MAGI2: variants seen among roughly 807,000 people sequenced by gnomAD.
MAGI2 encodes membrane associated guanylate kinase, WW and PDZ domain containing 2.
Under a neutral mutation model 133.3 loss-of-function variants are expected in MAGI2, and 35 were observed. That is an observed-to-expected ratio of 0.26 (90% CI 0.20 to 0.35). MAGI2 has a LOEUF of 0.35. Among genes scored for constraint, MAGI2 ranks in the 10% least tolerant of loss-of-function variants. MAGI2 has a pLI of 1.00. For missense variants in MAGI2, 1,636 were observed against 1,863.4 expected, an observed-to-expected ratio of 0.88 and a Z score of 2.25; for synonymous variants, 729 against 710.6, an observed-to-expected ratio of 1.03 and a Z score of -0.41.
chr7:79,088,284 G>A (rs979417405), intron 1 of MAGI2, among the ~76,000 whole-genome samples: 2 of 152,020 alleles, frequency 1.3e-5, no homozygotes, highest in African/African-American at 4.8e-5. Context: ...TTGTGAATGG[G>A]AATTCACTCA....
chr7:79,073,063 A>G (rs1476860876), intron 1 of MAGI2, among the ~76,000 whole-genome samples: 1 of 152,192 alleles, frequency 6.6e-6, no homozygotes, highest in Non-Finnish European at 1.5e-5. Flanking sequence ...AAAAAAAACA[A>G]AGGCTAAGAG....
chr7:78,517,349 C>T (rs1033728005), intron 4 of MAGI2, among the ~76,000 whole-genome samples: 1 of 152,018 alleles, frequency 6.6e-6, no homozygotes, highest in African/African-American at 2.4e-5. Flanking sequence ...TGCAGGATTG[C>T]GATTTACTTT....
intron 1 of MAGI2, among the ~76,000 whole-genome samples, chr7:79,306,237 T>C (rs370078195): frequency 6.8e-6 from 1 of 146,918 alleles, no homozygotes; most frequent in African/African-American, 2.5e-5. Flanking sequence ...TTTATTTATA[T>C]GTATATGTAT....
At chr7:79,072,185 C>T (rs575595940) in intron 1 of MAGI2, among the ~76,000 whole-genome samples, 94 of 152,100 alleles carry the variant, frequency 6.2e-4, no homozygotes, top group African/African-American at 2.0e-3. Context: ...AGAAATCACT[C>T]GCCTTCTGTG....
intron 1 of MAGI2, among the ~76,000 whole-genome samples, chr7:79,355,121 A>G (rs1192149074): frequency 2.0e-5 from 3 of 152,082 alleles, no homozygotes; most frequent in Non-Finnish European, 4.4e-5. Flanking sequence ...TGTGGGTGAT[A>G]CTCATTTCCT....
chr7:78,091,301 A>C (rs2151217630), intron 20 of MAGI2, among the ~76,000 whole-genome samples: 1 of 152,286 alleles, frequency 6.6e-6, no homozygotes, highest in African/African-American at 2.4e-5. Flanking sequence ...TGCTGCTATT[A>C]AAAGGGCTTG....
intron 20 of MAGI2, among the ~76,000 whole-genome samples, chr7:78,120,094 A>C (rs965421091): frequency 6.6e-6 from 1 of 152,230 alleles, no homozygotes; most frequent in Admixed American, 6.5e-5. Context: ...TAAAATTCTA[A>C]CAGGATTTTT....
At chr7:78,713,687 T>C (rs1819427564) in intron 2 of MAGI2, among the ~76,000 whole-genome samples, 2 of 152,098 alleles carry the variant, frequency 1.3e-5, no homozygotes, top group Admixed American at 6.6e-5. Context: ...CATACACAAA[T>C]AAATACAAAA....
intron 1 of MAGI2, among the ~76,000 whole-genome samples, chr7:79,217,530 G>T (rs947001868): frequency 6.6e-6 from 1 of 151,960 alleles, no homozygotes; most frequent in Non-Finnish European, 1.5e-5. Flanking sequence ...TTTTACTGAT[G>T]AAGAAACAGG....
intron 1 of MAGI2, among the ~76,000 whole-genome samples, chr7:79,262,826 A>G (rs1017772317): frequency 6.6e-6 from 1 of 152,206 alleles, no homozygotes; most frequent in African/African-American, 2.4e-5. Flanking sequence ...TGAACTTTCA[A>G]ATACTTTTAT....
intron 3 of MAGI2, among the ~76,000 whole-genome samples, chr7:78,528,787 C>T (rs1797194717): frequency 6.6e-6 from 1 of 152,070 alleles, no homozygotes. Context: ...GCAGAAACTC[C>T]CTGACCTCGA....
chr7:79,393,030 G>C (rs1238364874), intron 1 of MAGI2, among the ~76,000 whole-genome samples: 2 of 152,080 alleles, frequency 1.3e-5, no homozygotes, highest in Non-Finnish European at 2.9e-5. Context: ...AAAAATGATT[G>C]GTACTCATCA....
At chr7:79,448,078 G>A (rs1848985874) in intron 1 of MAGI2, among the ~76,000 whole-genome samples, 1 of 151,656 alleles carries the variant, frequency 6.6e-6, no homozygotes, top group Non-Finnish European at 1.5e-5. Flanking sequence ...AATATATTCA[G>A]CAATTCTTTG....
rs182281007 is a variant in MAGI2 at position 78,728,463 on chromosome 7, C to T, written c.419-101224G>A. 2.0e-5 allele frequency among the ~76,000 whole-genome samples: 3 copies of T among 149,582 alleles called. No individual in the cohort carries two copies. The East Asian group carries it at 5.9e-4, about 30-fold the overall frequency. On this transcript the variant is annotated intron_variant, in intron 2 of 21. Transcript: ENST00000354212. Reference sequence around the variant, plus strand: ...TCTATTCACATAGATGAGATAGAGCCATCAAACACTCTTGACCTAGTACCA... The same window carrying T: ...TCTATTCACATAGATGAGATAGAGCTATCAAACACTCTTGACCTAGTACCA...
At chr7:78,194,780 A>G in intron 12 of MAGI2, 94 bp downstream of exon 12, 1 of 1,096,270 alleles carries the variant, frequency 9.1e-7, no homozygotes, top group Non-Finnish European at 1.3e-6. Flanking sequence ...AACTCAGAAT[A>G]TAAAACCATG....
At chr7:78,619,364 C>G (rs548019739) in intron 3 of MAGI2, among the ~76,000 whole-genome samples, 2 of 151,574 alleles carry the variant, frequency 1.3e-5, no homozygotes, top group African/African-American at 4.8e-5. Context: ...AATCCTATGC[C>G]CATGCATACT....
At chr7:79,190,771 A>C (rs1827583928) in intron 1 of MAGI2, among the ~76,000 whole-genome samples, 1 of 151,822 alleles carries the variant, frequency 6.6e-6, no homozygotes, top group African/African-American at 2.4e-5. Flanking sequence ...CTGGGATTCT[A>C]TACACATTAA....
At chr7:79,083,232 T>C (rs903567302) in intron 1 of MAGI2, among the ~76,000 whole-genome samples, 2 of 151,590 alleles carry the variant, frequency 1.3e-5, no homozygotes, top group Admixed American at 1.3e-4. Flanking sequence ...AGAAGTGGTA[T>C]GAGCATACAT....
intron 6 of MAGI2, among the ~76,000 whole-genome samples, chr7:78,383,661 T>C (rs1249084910): frequency 6.6e-6 from 1 of 152,138 alleles, no homozygotes; most frequent in Non-Finnish European, 1.5e-5. Flanking sequence ...GTCTTAGTCA[T>C]AAATTCTTTT....
Sources: gnomAD v4.1 joint callset for allele counts (sites outside exome capture counted in the v4.1 genomes callset) on GRCh38, gnomAD v4.1.1 for gene constraint, MANE v1.5 for transcripts, NCBI Gene and HGNC (gene_info 2026-07-23, HGNC 2026-07-21) for gene names.